Variants in BLM observed in about 807,000 individuals in gnomAD.
BLM encodes recQ-like DNA helicase BLM.
Under a neutral mutation model 135.3 loss-of-function variants are expected in BLM, and 95 were observed. That is an observed-to-expected ratio of 0.70 (90% CI 0.59 to 0.83). The LOEUF (loss-of-function observed/expected upper bound fraction) is 0.83. BLM is among the 40% of genes least tolerant of loss of function. The pLI, the probability that BLM is intolerant of heterozygous loss-of-function variation, is 0.00. For synonymous variants in BLM, 520 were observed against 589.2 expected (o/e 0.88, Z 1.70); for missense variants, 1,518 against 1,663.9 (o/e 0.91, Z 1.53).
chr15:90,723,519 G>A (rs1169096551), intron 1 of BLM, among the ~76,000 whole-genome samples: 2 of 151,886 alleles, frequency 1.3e-5, no homozygotes, highest in African/African-American at 2.4e-5. Flanking sequence ...TGAGCATGAT[G>A]TCATGCACCT....
chr15:90,803,235 T>A (rs1897203961), intron 17 of BLM, among the ~76,000 whole-genome samples: 1 of 152,144 alleles, frequency 6.6e-6, no homozygotes. Flanking sequence ...TAGGAAGCTA[T>A]TATGGTTTAT....
chr15:90,735,236 A>AATATATAT (rs60589046), intron 1 of BLM, among the ~76,000 whole-genome samples: 2,776 of 107,860 alleles, frequency 0.026, 56 homozygotes, highest in Non-Finnish European at 0.03. Flanking sequence ...TGCCTAAGTT[A>AATATATAT]ATATATATAT....
chr15:90,765,688 A>C (rs1239305488), intron 9 of BLM, among the ~76,000 whole-genome samples: 1 of 152,210 alleles, frequency 6.6e-6, no homozygotes, highest in Non-Finnish European at 1.5e-5. Flanking sequence ...TTCTTTTTTC[A>C]GTACTGCCAG....
chr15:90,748,489 A>G (rs1385432225), intron 2 of BLM, among the ~76,000 whole-genome samples: 1 of 152,142 alleles, frequency 6.6e-6, no homozygotes, highest in African/African-American at 2.4e-5. Context: ...CTCTCCTCTA[A>G]GCTATACTCC....
chr15:90,759,348 GC>G (rs1173040035), intron 5 of BLM, among the ~76,000 whole-genome samples: 1 of 151,532 alleles, frequency 6.6e-6, no homozygotes, highest in Non-Finnish European at 1.5e-5. Context: ...GATCACTTGA[GC>G]CCAGGAGTTT....
intron 1 of BLM, among the ~76,000 whole-genome samples, chr15:90,731,965 G>A (rs1417819597): frequency 1.3e-5 from 2 of 152,172 alleles, no homozygotes. Flanking sequence ...TTCCCAAAGT[G>A]CTGGGATTAC....
chr15:90,769,455 T>A lies in BLM; in HGVS notation c.2424T>A (p.Arg808=). The change falls in exon 12 of 22, where the codon CGT becomes CGA. Residue 808 remains arginine, a synonymous_variant. Transcript: ENST00000355112. The part of the protein sequence containing the change: ...HCVSQWGHDF[R]QDYKRMNMLR... Reference sequence around the variant, plus strand: ...CCAACTAGTGGGGACATGATTTTCGTCAAGATTACAAAAGAATGAATATGC... The same window carrying A: ...CCAACTAGTGGGGACATGATTTTCGACAAGATTACAAAAGAATGAATATGC... 6.2e-7 allele frequency: 1 copy of A among 1,614,142 alleles called. No individual in the cohort carries two copies. The highest frequency in any genetic ancestry group is 8.5e-7 in the Non-Finnish European group (1 of 1,180,030).
At chr15:90,796,294 T>C (rs1897026342) in intron 16 of BLM, among the ~76,000 whole-genome samples, 1 of 152,182 alleles carries the variant, frequency 6.6e-6, no homozygotes, top group Non-Finnish European at 1.5e-5. Context: ...ACATGGGTGA[T>C]ATTTAAAGCA....
intron 17 of BLM, among the ~76,000 whole-genome samples, chr15:90,799,383 A>G (rs1309951723): frequency 6.6e-6 from 1 of 152,088 alleles, no homozygotes; most frequent in Non-Finnish European, 1.5e-5. Context: ...TGATTGACAA[A>G]GTAAATTTAG....
At position 90,803,701 on chromosome 15, in the gene BLM, T is replaced by C. The variant is rs774828730; in HGVS notation, c.3539T>C (p.Val1180Ala). The change falls in exon 18 of 22, where the codon GTA (valine) becomes GCA (alanine). Residue 1180 changes from valine (V) to alanine (A), a missense_variant. By Grantham distance (64) the Val-to-Ala change is moderately conservative. Around this residue, in one of 5 missense-constraint regions of BLM, gnomAD observed 626 missense variants for 681.1 expected, o/e 0.92. Transcript: ENST00000355112. ...YVMLGNKAQTVLNGNLKVDFM... is the reference protein window; with the variant it reads ...YVMLGNKAQTALNGNLKVDFM... Reference sequence around the variant, plus strand: ...ATGCTCGGAAATAAAGCCCAAACTGTACTAAATGGCAATTTAAAGGTATAG... The same window carrying C: ...ATGCTCGGAAATAAAGCCCAAACTGCACTAAATGGCAATTTAAAGGTATAG... The C allele has an allele frequency of 6.2e-7, 1 of 1,614,028 alleles. No individual in the cohort carries two copies. The highest frequency in any genetic ancestry group is 8.5e-7 in the Non-Finnish European group (1 of 1,179,998).
At position 90,815,332 on chromosome 15, in the gene BLM, C is replaced by T; in HGVS notation, c.*53C>T. 6.4e-7 allele frequency: 1 copy of T among 1,567,228 alleles called. No homozygotes were observed. The highest frequency in any genetic ancestry group is 1.1e-5 in the South Asian group (1 of 89,842). On this transcript the variant is annotated 3_prime_UTR_variant, in exon 22 of 22. Transcript: ENST00000355112. The surrounding 1 kb of genome is among the most constrained non-coding windows in gnomAD (Gnocchi z 4.6). ...TCTTTCTTGTTTGTCAGCATCTGAC[C>T]ATCTGTGACTATAAAGCTGTTATTC...
intron 14 of BLM, among the ~76,000 whole-genome samples, chr15:90,786,865 A>G (rs113381368): frequency 0.085 from 12,946 of 151,692 alleles, 910 homozygotes; most frequent in African/African-American, 0.19. Context: ...CGCCCACCTC[A>G]GCCCCCCAAA....
chr15:90,751,588 T>C (rs1281094158), intron 3 of BLM, among the ~76,000 whole-genome samples, 199 bp from the exon 4 acceptor site: 1 of 152,248 alleles, frequency 6.6e-6, no homozygotes, highest in Non-Finnish European at 1.5e-5. Context: ...GAGCATTCAC[T>C]GGACTTAATC....
intron 17 of BLM, among the ~76,000 whole-genome samples, chr15:90,801,010 C>G (rs888043636): frequency 1.3e-5 from 2 of 151,844 alleles, no homozygotes; most frequent in Admixed American, 6.6e-5. Flanking sequence ...TTAGCCGGGA[C>G]TGATGTTGTG....
rs1596228852 is a variant in BLM, at chr15:90,760,182, G to C, written c.1123G>C (p.Val375Leu). ...QISLQQQLIHVMEHICKLIDT... is the reference protein window; with the variant it reads ...QISLQQQLIHLMEHICKLIDT... ...AAGTTTACAGCAGCAGCTTATTCAT[G>C]TGATGGAGCACATCTGTAAATTAAT... The change falls in exon 6 of 22, where the codon GTG becomes CTG. Residue 375 changes from valine to leucine, a missense_variant. Around this residue, in one of 5 missense-constraint regions of BLM, gnomAD observed 724 missense variants for 756.9 expected, o/e 0.96. Coordinates refer to ENST00000355112, the MANE Select transcript of BLM (RefSeq NM_000057.4). The C allele has an allele frequency of 5.6e-6, 9 of 1,612,406 alleles. No homozygotes were observed. The highest frequency in any genetic ancestry group is 7.6e-6 in the Non-Finnish European group (9 of 1,178,742).
chr15:90,759,959 T>G, intron 5 of BLM, 188 bp from the exon 6 acceptor site: 2 of 358,880 alleles, frequency 5.6e-6, no homozygotes, highest in Non-Finnish European at 5.1e-6. Flanking sequence ...CTTAAGACTT[T>G]TTTTTTTTTT....
At chr15:90,804,711 T>C (rs28745035) in intron 19 of BLM, among the ~76,000 whole-genome samples, 23,411 of 152,238 alleles carry the variant, frequency 0.15, 1,919 homozygotes, top group Non-Finnish European at 0.19. Flanking sequence ...GCAATCCTCC[T>C]GCCTTAGCCT....
intron 1 of BLM, among the ~76,000 whole-genome samples, chr15:90,735,917 T>G (rs1191912269): frequency 6.6e-6 from 1 of 151,978 alleles, no homozygotes; most frequent in African/African-American, 2.4e-5. Flanking sequence ...TAGTCTAAAT[T>G]GAGAGAAAAA....
At chr15:90,814,809 G>A (rs1003423492) in intron 21 of BLM, among the ~76,000 whole-genome samples, 6 of 152,194 alleles carry the variant, frequency 3.9e-5, no homozygotes, top group Admixed American at 1.3e-4. Flanking sequence ...GTAGGCTGCC[G>A]AAGGTGTGGG....
Sources: allele counts gnomAD v4.1 joint callset (sites outside exome capture counted in the v4.1 genomes callset), GRCh38; gene constraint gnomAD v4.1.1; regional missense constraint gnomAD v4.1.1; non-coding constraint Gnocchi (gnomAD v3.1); transcripts MANE v1.5; gene names NCBI Gene and HGNC (gene_info 2026-07-23, HGNC 2026-07-21).